PRRG4: variants seen among roughly 807,000 people sequenced by gnomAD.
PRRG4 encodes the protein transmembrane gamma-carboxyglutamic acid protein 4.
PRRG4 carries 12 observed loss-of-function variants against 20.0 expected under a neutral mutation model. The ratio of observed to expected loss-of-function variants is 0.60; its 90% CI spans 0.38 to 0.97. PRRG4 has a LOEUF of 0.97. Ranked by LOEUF, PRRG4 falls within the 50% of genes least tolerant of loss-of-function variation. The pLI, the probability that PRRG4 is intolerant of heterozygous loss-of-function variation, is 0.00. For synonymous variants in PRRG4, 94 were observed against 96.4 expected, an observed-to-expected ratio of 0.98 and a Z score of 0.15; for missense variants, 199 against 265.1, an observed-to-expected ratio of 0.75 and a Z score of 1.73.
rs766267037 is a variant in PRRG4 at position 32,837,538 on chromosome 11, GATGATTATTATT to G, written c.267+720_267+731del. Reference sequence around the variant, plus strand: ...TGATGATGATGATGATGATGATGATGATGATTATTATTATTATTATTATTATTATTATTATTA... The same window carrying G: ...TGATGATGATGATGATGATGATGATGATTATTATTATTATTATTATTATTA... On this transcript the variant is annotated intron_variant, in intron 3 of 5. Coordinates refer to ENST00000257836, the MANE Select transcript of PRRG4 (RefSeq NM_024081.6). Among the ~76,000 whole-genome samples the G allele has an allele frequency of 2.8e-3, 256 of 90,910 alleles. 1 individual carries two copies. Among genetic ancestry groups the G allele is most frequent in the Middle Eastern group, 6.0e-3 (1 of 168 alleles). 59.6% of individuals were successfully genotyped at this position (90,910 alleles called of 152,430 possible).
chr11:32,837,999 C>T lies in PRRG4; in HGVS notation c.268-883C>T, dbSNP rs375111798. Among the ~76,000 whole-genome samples, 45 of 152,196 alleles carry T rather than the reference C, an allele frequency of 3.0e-4. 1 individual carries two copies. Among genetic ancestry groups the T allele is most frequent in the Admixed American group, 1.0e-3 (16 of 15,272 alleles). On this transcript the variant is annotated intron_variant, in intron 3 of 5. Transcript: ENST00000257836. Reference sequence around the variant, plus strand: ...TTGCTGTTTCTATTAAGGAGGAAAACGAAGCATATACTGTGTAGTTGTGTC... The same window carrying T: ...TTGCTGTTTCTATTAAGGAGGAAAATGAAGCATATACTGTGTAGTTGTGTC...
chr11:32,857,704 T>C lies in PRRG4; in HGVS notation c.*4177T>C, dbSNP rs1254842899. 6.6e-6 allele frequency: 1 copy of C among 152,262 alleles called. No individual in the cohort carries two copies. Among genetic ancestry groups the C allele is most frequent in the Non-Finnish European group, 1.5e-5 (1 of 68,046 alleles). 9.4% of individuals were successfully genotyped at this position (152,262 alleles called of 1,614,324 possible). A position where few individuals can be genotyped will look rare whatever the true frequency, so the allele number is the denominator to read the frequency against. On this transcript the variant is annotated 3_prime_UTR_variant, in exon 6 of 6. Transcript: ENST00000257836. ...AATTTCACATTACTCATATTGTTTTTGTTTTAATTGAATGTGAATTAAATT... is the reference window on the plus strand; with the variant it reads ...AATTTCACATTACTCATATTGTTTTCGTTTTAATTGAATGTGAATTAAATT...
chr11:32,840,012 G>A lies in PRRG4; in HGVS notation c.317-95G>A. 1 of 893,098 alleles carries A rather than the reference G, an allele frequency of 1.1e-6. No homozygotes were observed. The highest frequency in any genetic ancestry group is 1.7e-6 in the Non-Finnish European group (1 of 572,210). The allele number at this position is 893,098 out of a possible 1,614,324, so 55.3% of individuals were successfully genotyped here. On this transcript the variant is annotated intron_variant, in intron 4 of 5. Coordinates refer to ENST00000257836, the MANE Select transcript of PRRG4 (RefSeq NM_024081.6). The surrounding 1 kb of genome is among the most constrained non-coding windows in gnomAD (Gnocchi z 4.1). ...AAGTCAACATCAATGATTAGATGCT[G>A]TATAATGTGTTTAGAACCAGGATTA...
chr11:32,852,939 A>ATTTTTTTTT (rs34615143), intron 5 of PRRG4, among the ~76,000 whole-genome samples: 329 of 99,078 alleles, frequency 3.3e-3, no homozygotes, highest in Middle Eastern at 5.4e-3. Flanking sequence ...TGCCCGGCTA[A>ATTTTTTTTT]TTTTTTTTTT....
intron 5 of PRRG4, among the ~76,000 whole-genome samples, chr11:32,843,669 A>C (rs1404604145): frequency 6.6e-6 from 1 of 152,024 alleles, no homozygotes; most frequent in African/African-American, 2.4e-5. Context: ...ACCGTTTTTA[A>C]GTATACAGTT....
At chr11:32,839,037 A>C in intron 4 of PRRG4, 107 bp downstream of exon 4, 1 of 753,438 alleles carries the variant, frequency 1.3e-6, no homozygotes. Context: ...TACATACCTT[A>C]TAAATCCAAG....
chr11:32,842,225 T>C (rs1314540528), intron 5 of PRRG4, among the ~76,000 whole-genome samples: 1 of 152,206 alleles, frequency 6.6e-6, no homozygotes, highest in Non-Finnish European at 1.5e-5. Flanking sequence ...AAAATTCTCA[T>C]GTTAATTTTG....
At chr11:32,850,535 ACT>A (rs1357661251) in intron 5 of PRRG4, among the ~76,000 whole-genome samples, 1 of 151,952 alleles carries the variant, frequency 6.6e-6, no homozygotes, top group African/African-American at 2.4e-5. Flanking sequence ...CCCCTCAGCA[ACT>A]CTCTGAGTTT....
chr11:32,836,595 T>C (rs1331198760), intron 2 of PRRG4, 63 bp from the exon 3 acceptor site: 1 of 1,024,168 alleles, frequency 9.8e-7, no homozygotes, highest in Non-Finnish European at 1.4e-6. Context: ...TTTTCCACAA[T>C]TAAAACAGGA....
In PRRG4 at chr11:32,840,067, T is replaced by C; in HGVS notation, c.317-40T>C. ...TGTTGAAATCATAGGTGATGCTATA[T>C]AGTTGTTATATTTATGTTATTTTAA... On this transcript the variant is annotated intron_variant, in intron 4 of 5. Transcript: ENST00000257836. The surrounding 1 kb of genome is among the most constrained non-coding windows in gnomAD (Gnocchi z 4.1). 5 of 1,434,260 alleles carry C rather than the reference T, an allele frequency of 3.5e-6. No homozygotes were observed. The highest frequency in any genetic ancestry group is 2.3e-5 in the South Asian group (2 of 86,118). 88.8% of individuals were successfully genotyped at this position (1,434,260 alleles called of 1,614,324 possible).
In PRRG4 at chr11:32,830,624, GAGA is replaced by G. The variant is rs1462045746; in HGVS notation, c.101_103del (p.Glu34del). 1.9e-6 allele frequency: 3 copies of G among 1,613,876 alleles called. No individual in the cohort carries two copies. The highest frequency in any genetic ancestry group is 1.7e-6 in the Non-Finnish European group (2 of 1,179,968). ...GGTCCAAAGGCTTCTAAGCATGCGG[GAGA>G]AGAAGGTAAGCACTAAAACGTCCCT... On this transcript the variant is annotated inframe_deletion, in exon 2 of 6. Coordinates refer to ENST00000257836, the MANE Select transcript of PRRG4 (RefSeq NM_024081.6).
At chr11:32,837,528 TGATGATGATGATG>T (rs1565113791) in intron 3 of PRRG4, among the ~76,000 whole-genome samples, 17 of 112,370 alleles carry the variant, frequency 1.5e-4, no homozygotes, top group African/African-American at 5.0e-4. Flanking sequence ...ATGATGATGA[TGATGATGATGATG>T]ATTATTATTA....
At chr11:32,852,953 T>C (rs1207080292) in intron 5 of PRRG4, among the ~76,000 whole-genome samples, 1 of 145,272 alleles carries the variant, frequency 6.9e-6, no homozygotes, top group Non-Finnish European at 1.5e-5. Flanking sequence ...TTTTTTTTTT[T>C]TTTTTTTTGT....
Position 32,853,440 on chromosome 11 carries a change from A to G in PRRG4, c.594A>G (p.Lys198=), listed in dbSNP as rs754426724. ...AACAGGCAGTGGCGCTGACCAGAAA[A>G]CACAGTGTTTCACCACCACCACCAT... is the stretch of plus-strand genomic sequence containing the variant. ...SYEQAVALTR[K]HSVSPPPPYP... The change falls in exon 6 of 6, where the codon AAA becomes AAG. Residue 198 remains lysine (K), a synonymous_variant. Coordinates refer to ENST00000257836, the MANE Select transcript of PRRG4 (RefSeq NM_024081.6). 1 of 1,614,102 alleles carries G rather than the reference A, an allele frequency of 6.2e-7. No individual in the cohort carries two copies. The highest frequency in any genetic ancestry group is 8.5e-7 in the Non-Finnish European group (1 of 1,180,022).
In PRRG4 at chr11:32,853,838, T is replaced by TA. The variant is rs1006540478; in HGVS notation, c.*318dup. ...GCAAGACTCCATCTCAAAAATAAAA[T>TA]AAAAAAAGAAAGAAAGAAAAGAAGA... On this transcript the variant is annotated 3_prime_UTR_variant, in exon 6 of 6. Coordinates refer to ENST00000257836, the MANE Select transcript of PRRG4 (RefSeq NM_024081.6). The TA allele has an allele frequency of 2.0e-4, 27 of 134,988 alleles. No individual in the cohort carries two copies. The highest frequency in any genetic ancestry group is 8.5e-4 in the African/African-American group (26 of 30,620). 8.4% of individuals were successfully genotyped at this position (134,988 alleles called of 1,614,324 possible).
chr11:32,829,858 C>T (rs1381795362), upstream of PRRG4: 3 of 985,324 alleles, frequency 3.0e-6, no homozygotes, highest in Non-Finnish European at 3.6e-6. Context: ...GCCCGCTCGC[C>T]GCAGGTAGGC....
chr11:32,836,882 C>A, intron 3 of PRRG4, 61 bp downstream of exon 3: 1 of 1,389,350 alleles, frequency 7.2e-7, no homozygotes, highest in Non-Finnish European at 1.0e-6. Flanking sequence ...GAAAGTGGCA[C>A]TTTCAGTTAT....
rs774718691 is a variant in PRRG4, at chr11:32,853,283, T to C, written c.450-13T>C. The C allele has an allele frequency of 1.9e-6, 3 of 1,598,300 alleles. 1 individual carries two copies. Among genetic ancestry groups the C allele is most frequent in the South Asian group, 1.1e-5 (1 of 90,672 alleles). ...CTACCTTTCCTAGACCTAAATGTTG[T>C]CTCTCTGCTTAGCTCTTCAGCCGTC... On this transcript the variant is annotated splice_polypyrimidine_tract_variant and intron_variant, in intron 5 of 5. Coordinates refer to ENST00000257836, the MANE Select transcript of PRRG4 (RefSeq NM_024081.6).
At chr11:32,835,457 T>A (rs1367374715) in intron 2 of PRRG4, among the ~76,000 whole-genome samples, 1 of 152,220 alleles carries the variant, frequency 6.6e-6, no homozygotes, top group African/African-American at 2.4e-5. Context: ...CTCAGTAATA[T>A]GATCTGAAGC....
Sources: gnomAD v4.1 joint callset for allele counts (sites outside exome capture counted in the v4.1 genomes callset) on GRCh38, gnomAD v4.1.1 for gene constraint, Gnocchi (gnomAD v3.1) non-coding constraint, MANE v1.5 for transcripts, NCBI Gene and HGNC (gene_info 2026-07-23, HGNC 2026-07-21) for gene names.